ADGRL2: variants seen among roughly 807,000 people sequenced by gnomAD.
ADGRL2 encodes the protein adhesion G protein-coupled receptor L2.
A neutral mutation model predicts 157.4 loss-of-function variants in ADGRL2; 44 were observed. The ratio of observed to expected loss-of-function variants is 0.28; its 90% CI spans 0.22 to 0.36. ADGRL2 has a LOEUF of 0.36. Ranked by LOEUF, ADGRL2 falls within the 10% of genes least tolerant of loss-of-function variation. The pLI, the probability that ADGRL2 is intolerant of heterozygous loss-of-function variation, is 1.00. For synonymous variants in ADGRL2, 585 were observed against 624.7 expected (o/e 0.94, Z 0.95); for missense variants, 1,510 against 1,768.9 (o/e 0.85, Z 2.63).
chr1:81,692,582 G>T (rs1187642683), intron 3 of ADGRL2, among the ~76,000 whole-genome samples: 2 of 152,134 alleles, frequency 1.3e-5, no homozygotes, highest in Non-Finnish European at 2.9e-5. Context: ...ATGAGAATTG[G>T]TGACATTAAT....
At chr1:81,728,880 C>G (rs1486885892) in intron 1 of ADGRL2, among the ~76,000 whole-genome samples, 1 of 152,118 alleles carries the variant, frequency 6.6e-6, no homozygotes, top group Non-Finnish European at 1.5e-5. Flanking sequence ...AGATCCACTT[C>G]TCTTGGGGAG....
chr1:81,836,271 C>T (rs543445194), intron 1 of ADGRL2, among the ~76,000 whole-genome samples: 3 of 152,040 alleles, frequency 2.0e-5, no homozygotes, highest in South Asian at 2.1e-4. Flanking sequence ...TAATAGGAAA[C>T]GAACATGAAG....
intron 1 of ADGRL2, among the ~76,000 whole-genome samples, chr1:81,700,752 A>T (rs755553668): frequency 3.9e-5 from 6 of 152,338 alleles, no homozygotes; most frequent in Non-Finnish European, 7.3e-5. Context: ...ACACCCAGCC[A>T]TTGTCAGCTG....
chr1:81,533,668 T>A (rs2148271164), intron 2 of ADGRL2, among the ~76,000 whole-genome samples: 1 of 152,328 alleles, frequency 6.6e-6, no homozygotes, highest in Non-Finnish European at 1.5e-5. Context: ...ATCTGAACAA[T>A]CTTAATATCA....
Position 81,398,328 on chromosome 1 carries a change from C to A in ADGRL2, c.-301-46708C>A, listed in dbSNP as rs187104180. ...TAAGATTGTTATTGATAGGTGAGGA[C>A]TTACTCCTGTCATTTTGTTGTTTCC... is the stretch of plus-strand genomic sequence containing the variant. On this transcript the variant is annotated intron_variant, in intron 1 of 24. Transcript: ENST00000370721. 3.3e-5 allele frequency among the ~76,000 whole-genome samples: 5 copies of A among 152,222 alleles called. No individual in the cohort carries two copies. The South Asian group carries it at 1.0e-3, about 32-fold the overall frequency.
upstream of ADGRL2, among the ~76,000 whole-genome samples, chr1:81,796,706 TG>T (rs1251002359): frequency 6.6e-6 from 1 of 152,244 alleles, no homozygotes; most frequent in African/African-American, 2.4e-5. Context: ...AACTAGTGGA[TG>T]CTTTTTTTAA....
intron 1 of ADGRL2, among the ~76,000 whole-genome samples, chr1:81,392,018 G>GT (rs531079417): frequency 2.4e-4 from 36 of 152,198 alleles, no homozygotes; most frequent in Middle Eastern, 6.8e-3. Context: ...ATGGGAGAAC[G>GT]TAAGTCACAA....
chr1:81,602,665 A>C (rs1485064362), intron 3 of ADGRL2, among the ~76,000 whole-genome samples: 1 of 151,120 alleles, frequency 6.6e-6, no homozygotes, highest in Non-Finnish European at 1.5e-5. Context: ...TTGGTAGGCC[A>C]AGGTGGGCGG....
chr1:81,700,285 T>C (rs896900027), intron 1 of ADGRL2, among the ~76,000 whole-genome samples: 35 of 152,058 alleles, frequency 2.3e-4, no homozygotes, highest in African/African-American at 8.5e-4. Flanking sequence ...TGTGGAAGAG[T>C]TGAGGAAAGC....
At chr1:81,765,239 T>C (rs1392479186) in intron 2 of ADGRL2, among the ~76,000 whole-genome samples, 1 of 151,998 alleles carries the variant, frequency 6.6e-6, no homozygotes, top group African/African-American at 2.4e-5. Context: ...AATTACTAAT[T>C]TGTTATACTG....
rs185795124 is a variant in ADGRL2, at chr1:81,506,499, C to T, written c.-248+61410C>T. 4.3e-3 allele frequency among the ~76,000 whole-genome samples: 647 copies of T among 152,068 alleles called. 5 individuals are homozygous for T. Among genetic ancestry groups the T allele is most frequent in the African/African-American group, 0.015 (615 of 41,472 alleles). ...TGAGGTGGGAAGGATCACTTGAGAC[C>T]AGGAGTTTGAGACCAGCCTGGATGA... On this transcript the variant is annotated intron_variant, in intron 2 of 24. Coordinates refer to the ADGRL2 transcript ENST00000370721.
chr1:81,321,885 C>A (rs1331683901), intron 1 of ADGRL2, among the ~76,000 whole-genome samples: 1 of 151,114 alleles, frequency 6.6e-6, no homozygotes, highest in African/African-American at 2.4e-5. Flanking sequence ...TGCCACAAAC[C>A]TTCAGTTTGT....
chr1:81,543,096 T>C (rs1048759506), intron 2 of ADGRL2, among the ~76,000 whole-genome samples: 2 of 152,128 alleles, frequency 1.3e-5, no homozygotes, highest in African/African-American at 4.8e-5. Flanking sequence ...TTATCTAGCA[T>C]GTAGGACTGT....
intron 3 of ADGRL2, among the ~76,000 whole-genome samples, chr1:81,596,896 G>T (rs1166477949): frequency 6.6e-6 from 1 of 152,050 alleles, no homozygotes; most frequent in African/African-American, 2.4e-5. Context: ...GCTGCTTCTT[G>T]AACTCTTCCG....
At chr1:81,897,368 T>C (rs1029840819) in intron 2 of ADGRL2, among the ~76,000 whole-genome samples, 11 of 152,142 alleles carry the variant, frequency 7.2e-5, no homozygotes, top group Non-Finnish European at 1.5e-4. Context: ...CTGAGACTAA[T>C]AGCATCTCTT....
intron 3 of ADGRL2, among the ~76,000 whole-genome samples, chr1:81,615,498 T>C (rs545620623): frequency 1.2e-3 from 189 of 152,194 alleles, no homozygotes; most frequent in African/African-American, 4.5e-3. Context: ...AGTGAGACCA[T>C]GAACCCACCA....
chr1:81,896,058 A>G (rs527914606), intron 2 of ADGRL2, among the ~76,000 whole-genome samples: 1 of 152,328 alleles, frequency 6.6e-6, no homozygotes, highest in East Asian at 1.9e-4. Flanking sequence ...GAAATTTCTA[A>G]TAACAAAAGG....
upstream of ADGRL2, among the ~76,000 whole-genome samples, chr1:81,795,526 AAAC>A (rs2087544428): frequency 2.0e-5 from 3 of 152,256 alleles, no homozygotes; most frequent in South Asian, 6.2e-4. Context: ...TACACACTTG[AAAC>A]AATATGGAAA....
At chr1:81,708,363 G>C (rs908147565) in intron 1 of ADGRL2, among the ~76,000 whole-genome samples, 1 of 152,102 alleles carries the variant, frequency 6.6e-6, no homozygotes, top group Non-Finnish European at 1.5e-5. Context: ...CAATCACTCA[G>C]AAAAATGTGC....
Sources: gnomAD v4.1 joint callset for allele counts (sites outside exome capture counted in the v4.1 genomes callset) on GRCh38, gnomAD v4.1.1 for gene constraint, MANE v1.5 for transcripts, NCBI Gene and HGNC (gene_info 2026-07-23, HGNC 2026-07-21) for gene names.